Variants in SERINC4 observed in about 807,000 individuals in gnomAD.
SERINC4 encodes the protein serine incorporator 4.
SERINC4 carries 52 observed loss-of-function variants against 52.0 expected under a neutral mutation model. The ratio of observed to expected loss-of-function variants is 1.00; its 90% CI spans 0.80 to 1.26. SERINC4 has a LOEUF of 1.26. Among genes scored for constraint, SERINC4 ranks in the 50% most tolerant of loss-of-function variants. The probability of loss-of-function intolerance (pLI) is 0.00; values close to 1 mark genes in which losing one functional copy is unlikely to be tolerated. For synonymous variants in SERINC4, 264 were observed against 247.7 expected (o/e 1.07, Z -0.62); for missense variants, 723 against 632.8 (o/e 1.14, Z -1.53).
At chr15:43,796,381 GC>G (rs1241317751) in intron 8 of SERINC4, 154 bp from the exon 9 acceptor site, 2 of 720,064 alleles carry the variant, frequency 2.8e-6, no homozygotes, top group African/African-American at 3.6e-5. Flanking sequence ...TCATGTGAGA[GC>G]CCTAAGGTCT....
In SERINC4 at chr15:43,797,194, G is replaced by T; in HGVS notation, c.795C>A (p.Cys265Ter). ...AGAGGAAGGAGATGAGGCCACAGAA[G>T]CAAAGGTGCAGACTGAGGAGCATCT... ...LNKMLLSLHL[C>*]FCGLISFLSI... Residue 265 changes from cysteine (C) to a stop codon, truncating the protein, a stop_gained, in exon 6 of 12, where the codon TGC (cysteine) becomes TGA (stop). Coordinates refer to ENST00000319327, the MANE Select transcript of SERINC4 (RefSeq NM_001258031.2). LOFTEE classifies it high-confidence loss of function. 1.3e-6 allele frequency: 2 copies of T among 1,551,066 alleles called. No homozygotes were observed. Among genetic ancestry groups the T allele is most frequent in the Non-Finnish European group, 1.7e-6 (2 of 1,147,040 alleles).
intron 8 of SERINC4, 119 bp downstream of exon 8, chr15:43,796,497 C>A (rs1364859545): frequency 3.5e-6 from 4 of 1,142,394 alleles, no homozygotes; most frequent in African/African-American, 1.5e-5. Context: ...TTGTGGGGAG[C>A]TTTTCTCACT....
chr15:43,798,706 A>G, intron 3 of SERINC4: 2 of 624,466 alleles, frequency 3.2e-6, no homozygotes, highest in Non-Finnish European at 5.7e-6. Flanking sequence ...AAAGATACTT[A>G]ATAGCATCTG....
chr15:43,799,197 T>G (rs978151464), intron 2 of SERINC4, 60 bp from the exon 3 acceptor site: 21 of 1,512,492 alleles, frequency 1.4e-5, no homozygotes, highest in Non-Finnish European at 1.8e-5. Context: ...AGGTACCTAC[T>G]TGTCACGGGT....
In SERINC4 at chr15:43,794,177, A is replaced by G; in HGVS notation, c.*823T>C. 2 of 550,836 alleles carry G rather than the reference A, an allele frequency of 3.6e-6. No individual in the cohort carries two copies. Among genetic ancestry groups the G allele is most frequent in the Middle Eastern group, 3.2e-4 (1 of 3,100 alleles). The allele number at this position is 550,836 out of a possible 1,614,324, so 34.1% of individuals were successfully genotyped here. Reference sequence around the variant, plus strand: ...GTAGACTTAATAAGTGAAACATCACAGAAGAAGCCTTTATTATACAATGAC... The same window carrying G: ...GTAGACTTAATAAGTGAAACATCACGGAAGAAGCCTTTATTATACAATGAC... On this transcript the variant is annotated 3_prime_UTR_variant, in exon 12 of 12. Coordinates refer to ENST00000319327, the MANE Select transcript of SERINC4 (RefSeq NM_001258031.2).
chr15:43,795,182 TGAA>T lies in SERINC4; in HGVS notation c.1372_1374del (p.Phe458del). The T allele has an allele frequency of 1.9e-6, 3 of 1,614,118 alleles. No homozygotes were observed. The highest frequency in any genetic ancestry group is 2.2e-5 in the East Asian group (1 of 44,882). On this transcript the variant is annotated inframe_deletion, in exon 12 of 12. Coordinates refer to ENST00000319327, the MANE Select transcript of SERINC4 (RefSeq NM_001258031.2). ...CAGAAGGTGGCCCAGCTACCCTTGATGAAGGTCTTTTCCAGTTCTGCTCCCTCA... is the reference window on the plus strand; with the variant it reads ...CAGAAGGTGGCCCAGCTACCCTTGATGGTCTTTTCCAGTTCTGCTCCCTCA...
At chr15:43,797,751 C>G in intron 5 of SERINC4, 169 bp downstream of exon 5, 1 of 598,490 alleles carries the variant, frequency 1.7e-6, no homozygotes, top group Non-Finnish European at 3.0e-6. Context: ...ACTGGTGTGA[C>G]TAGCCATCCT....
rs1013966649 is a variant in SERINC4, at chr15:43,796,066, G to A, written c.1140+89C>T. The A allele has an allele frequency of 4.2e-6, 4 of 955,756 alleles. No individual in the cohort carries two copies. The African/African-American group carries it at 6.5e-5, about 15-fold the overall frequency. 59.2% of individuals were successfully genotyped at this position (955,756 alleles called of 1,614,324 possible). A position where few individuals can be genotyped will look rare whatever the true frequency, so the allele number is the denominator to read the frequency against. ...TAAAAGGTAACAGCAGCTATAATCT[G>A]AGCATTCTGGGTAGAGGTTGGTAGG... On this transcript the variant is annotated intron_variant, in intron 9 of 11. Coordinates refer to ENST00000319327, the MANE Select transcript of SERINC4 (RefSeq NM_001258031.2).
chr15:43,797,195 C>T lies in SERINC4; in HGVS notation c.794G>A (p.Cys265Tyr). Residue 265 changes from cysteine to tyrosine, a missense_variant, in exon 6 of 12, where the codon TGC (cysteine) becomes TAC (tyrosine). Coordinates refer to ENST00000319327, the MANE Select transcript of SERINC4 (RefSeq NM_001258031.2). ...GAGGAAGGAGATGAGGCCACAGAAGCAAAGGTGCAGACTGAGGAGCATCTT... is the reference window on the plus strand; with the variant it reads ...GAGGAAGGAGATGAGGCCACAGAAGTAAAGGTGCAGACTGAGGAGCATCTT... ...LNKMLLSLHLCFCGLISFLSI... is the reference protein window; with the variant it reads ...LNKMLLSLHLYFCGLISFLSI... 2 of 1,550,998 alleles carry T rather than the reference C, an allele frequency of 1.3e-6. No individual in the cohort carries two copies. The highest frequency in any genetic ancestry group is 1.7e-6 in the Non-Finnish European group (2 of 1,147,024).
intron 4 of SERINC4, 141 bp downstream of exon 4, chr15:43,798,284 C>T (rs1434127276): frequency 1.4e-5 from 10 of 719,398 alleles, no homozygotes; most frequent in African/African-American, 5.2e-5. Context: ...CTCTTGACCT[C>T]GTGATCCGCC....
At chr15:43,798,882 T>A in intron 3 of SERINC4, 77 bp downstream of exon 3, 1 of 1,407,592 alleles carries the variant, frequency 7.1e-7, no homozygotes, top group South Asian at 1.2e-5. Flanking sequence ...TATTACTTCA[T>A]CCCGGAATTT....
chr15:43,797,223 T>C lies in SERINC4; in HGVS notation c.766A>G (p.Asn256Asp), dbSNP rs578226443. ...AGGTGCAGACTGAGGAGCATCTTGT[T>C]AAGCAGGCAGCCAGCTGGGTGTGTA... ...YYTHPAGCLL[N>D]KMLLSLHLCF... Residue 256 changes from asparagine to aspartate, a missense_variant, in exon 6 of 12, where the codon AAC (asparagine) becomes GAC (aspartate). By Grantham distance (23) the Asn-to-Asp change is conservative. Coordinates refer to ENST00000319327, the MANE Select transcript of SERINC4 (RefSeq NM_001258031.2). 7.0e-5 allele frequency: 108 copies of C among 1,550,758 alleles called. No homozygotes were observed. The African/African-American group carries it at 1.1e-3, about 16-fold the overall frequency.
In SERINC4 at chr15:43,798,969, G is replaced by C; in HGVS notation, c.448C>G (p.Leu150Val). 1 of 1,550,572 alleles carries C rather than the reference G, an allele frequency of 6.4e-7. No homozygotes were observed. Among genetic ancestry groups the C allele is most frequent in the East Asian group, 2.4e-5 (1 of 40,910 alleles). Reference protein sequence around the residue: ...LHSPTSPRAQLHNSFWLLKLL... With the variant: ...LHSPTSPRAQVHNSFWLLKLL... ...AAAGTACACACAAACCTATTATGCA[G>C]CTGTGCCCGCGGGCTGGTGGGGGAG... Residue 150 changes from leucine to valine, a missense_variant, in exon 3 of 12, where the codon CTG becomes GTG. By Grantham distance (32) the Leu-to-Val change is conservative (BLOSUM62 1). Transcript: ENST00000319327.
intron 6 of SERINC4, 61 bp downstream of exon 6, chr15:43,797,084 A>G: frequency 2.0e-6 from 3 of 1,483,968 alleles, no homozygotes; most frequent in Non-Finnish European, 2.8e-6. Flanking sequence ...TAGGGAGGTA[A>G]TGAAACTTGC....
In SERINC4 at chr15:43,798,444, A is replaced by G; in HGVS notation, c.519T>C (p.Pro173=). 1.2e-6 allele frequency: 2 copies of G among 1,613,366 alleles called. No individual in the cohort carries two copies. The highest frequency in any genetic ancestry group is 1.7e-6 in the Non-Finnish European group (2 of 1,179,300). Residue 173 remains proline (P), a synonymous_variant, in exon 4 of 12, where the codon CCT becomes CCC. Transcript: ENST00000319327. ...LGLCAIAFCI[P]DEHLFPAWHY... ...GAGTACCTGGGAAGAGATGCTCATCAGGAATGCAGAAGGCAATAGCACAGA... is the reference window on the plus strand; with the variant it reads ...GAGTACCTGGGAAGAGATGCTCATCGGGAATGCAGAAGGCAATAGCACAGA...
chr15:43,797,007 T>C, intron 6 of SERINC4, 67 bp from the exon 7 acceptor site: 1 of 1,478,144 alleles, frequency 6.8e-7, no homozygotes, highest in Admixed American at 1.7e-5. Flanking sequence ...CCCCCACTTG[T>C]ACTTCTGTCT....
At position 43,797,221 on chromosome 15, in the gene SERINC4, G is replaced by C. The variant is rs1488253696; in HGVS notation, c.768C>G (p.Asn256Lys). 1 of 1,550,706 alleles carries C rather than the reference G, an allele frequency of 6.4e-7. No homozygotes were observed. The change falls in exon 6 of 12, where the codon AAC becomes AAG. Residue 256 changes from asparagine (N) to lysine (K), a missense_variant. By Grantham distance (94) the Asn-to-Lys change is moderately conservative. Transcript: ENST00000319327. ...YYTHPAGCLLNKMLLSLHLCF... is the reference protein window; with the variant it reads ...YYTHPAGCLLKKMLLSLHLCF... Reference sequence around the variant, plus strand: ...AAAGGTGCAGACTGAGGAGCATCTTGTTAAGCAGGCAGCCAGCTGGGTGTG... The same window carrying C: ...AAAGGTGCAGACTGAGGAGCATCTTCTTAAGCAGGCAGCCAGCTGGGTGTG...
intron 9 of SERINC4, 65 bp from the exon 10 acceptor site, chr15:43,795,801 T>G (rs1274782956): frequency 1.3e-6 from 2 of 1,536,090 alleles, no homozygotes; most frequent in Non-Finnish European, 1.8e-6. Context: ...TCTAGGAAAC[T>G]TCCCCCGTGA....
intron 6 of SERINC4, 55 bp from the exon 7 acceptor site, chr15:43,796,995 T>TACCCCC (rs2087229776): frequency 6.6e-7 from 1 of 1,512,954 alleles, no homozygotes; most frequent in South Asian, 1.1e-5. Context: ...CCTCCATTTC[T>TACCCCC]ACCCCCACTT....
Sources: gnomAD v4.1 joint callset for allele counts on GRCh38, gnomAD v4.1.1 for gene constraint, MANE v1.5 for transcripts, NCBI Gene and HGNC (gene_info 2026-07-23, HGNC 2026-07-21) for gene names.